The following DOCK5 variants were observed in gnomAD, a reference collection of about 807,000 sequenced individuals.
DOCK5 encodes dedicator of cytokinesis protein 5.
A neutral mutation model predicts 251.8 loss-of-function variants in DOCK5; 142 were observed. The ratio of observed to expected loss-of-function variants is 0.56; its 90% CI spans 0.49 to 0.65. The LOEUF (loss-of-function observed/expected upper bound fraction) is 0.65. DOCK5 is among the 30% of genes least tolerant of loss of function. The probability of loss-of-function intolerance (pLI) is 0.00; values close to 1 mark genes in which losing one functional copy is unlikely to be tolerated. For synonymous variants in DOCK5, 842 were observed against 835.5 expected (o/e 1.01, Z -0.13); for missense variants, 2,111 against 2,312.3 (o/e 0.91, Z 1.79).
chr8:25,388,663 G>T (rs2248997), intron 40 of DOCK5: 15 of 165,584 alleles, frequency 9.1e-5, no homozygotes, highest in Admixed American at 2.8e-4. Flanking sequence ...GTTGCTGGAT[G>T]GTGATGAGAT....
intron 1 of DOCK5, among the ~76,000 whole-genome samples, chr8:25,188,212 C>T (rs973047931): frequency 6.6e-6 from 1 of 152,174 alleles, no homozygotes; most frequent in Admixed American, 6.6e-5. Context: ...GAAGGGAGAG[C>T]CTCCACTCTG....
chr8:25,337,041 A>G (rs568607663), intron 22 of DOCK5, among the ~76,000 whole-genome samples: 1 of 152,332 alleles, frequency 6.6e-6, no homozygotes, highest in Non-Finnish European at 1.5e-5. Context: ...AAGGCAAACA[A>G]CCTGCAAAAA....
At chr8:25,201,688 A>T (rs888898314) in intron 1 of DOCK5, among the ~76,000 whole-genome samples, 2 of 152,148 alleles carry the variant, frequency 1.3e-5, no homozygotes, top group African/African-American at 4.8e-5. Context: ...CCTAACTTTT[A>T]TTACTCTTTA....
intron 2 of DOCK5, among the ~76,000 whole-genome samples, chr8:25,254,799 A>AAAAAAAAAAC (rs1563326284): frequency 6.8e-6 from 1 of 147,820 alleles, no homozygotes; most frequent in African/African-American, 2.5e-5. Flanking sequence ...AAAACAAAAA[A>AAAAAAAAAAC]AAAAAACATT....
At chr8:25,300,937 C>A (rs921072418) in intron 9 of DOCK5, among the ~76,000 whole-genome samples, 1 of 152,152 alleles carries the variant, frequency 6.6e-6, no homozygotes, top group Non-Finnish European at 1.5e-5. Flanking sequence ...CAGGGGCTCA[C>A]GCCTGTAATC....
At chr8:25,349,181 C>T (rs983921744) in intron 26 of DOCK5, among the ~76,000 whole-genome samples, 41 of 152,076 alleles carry the variant, frequency 2.7e-4, no homozygotes, top group Non-Finnish European at 3.1e-4. Context: ...ATAGCCATAC[C>T]ATAATTGAGA....
intron 3 of DOCK5, among the ~76,000 whole-genome samples, chr8:25,272,098 A>T (rs986310266): frequency 6.6e-6 from 1 of 152,216 alleles, no homozygotes; most frequent in Non-Finnish European, 1.5e-5. Flanking sequence ...GCGTGATCAC[A>T]GTTCACTGCA....
chr8:25,380,450 C>A (rs997484131), intron 39 of DOCK5, 56 bp downstream of exon 39: 3 of 1,401,812 alleles, frequency 2.1e-6, no homozygotes, highest in African/African-American at 2.9e-5. Flanking sequence ...AATTAGCACT[C>A]ATGAAAATGT....
chr8:25,409,266 C>T (rs1055773988), intron 50 of DOCK5, among the ~76,000 whole-genome samples: 3 of 152,148 alleles, frequency 2.0e-5, no homozygotes, highest in East Asian at 3.9e-4. Flanking sequence ...TGAACAGGGA[C>T]AAGAAATAGA....
intron 2 of DOCK5, 29 bp from the exon 3 acceptor site, chr8:25,268,816 A>G: frequency 6.4e-7 from 1 of 1,555,226 alleles, no homozygotes; most frequent in Non-Finnish European, 8.7e-7. Flanking sequence ...AAAACATAAA[A>G]TATTTTGTGT....
chr8:25,264,160 C>T (rs887964188), intron 2 of DOCK5, among the ~76,000 whole-genome samples: 2 of 151,414 alleles, frequency 1.3e-5, no homozygotes, highest in Admixed American at 6.6e-5. Flanking sequence ...TCCAGGAGTC[C>T]GAGACCAGCC....
chr8:25,362,462 CTTTTTT>C (rs869096662), intron 28 of DOCK5, among the ~76,000 whole-genome samples: 6 of 54,644 alleles, frequency 1.1e-4, no homozygotes, highest in Middle Eastern at 0.015. Context: ...CTTTTCTTTT[CTTTTTT>C]TTTTTTTTTT....
At chr8:25,380,786 G>A (rs1420229425) in intron 39 of DOCK5, among the ~76,000 whole-genome samples, 1 of 152,182 alleles carries the variant, frequency 6.6e-6, no homozygotes, top group African/African-American at 2.4e-5. Context: ...ACAAAAATGA[G>A]TGCCCAGTGT....
At chr8:25,374,983 T>C in intron 37 of DOCK5, 1 of 1,179,576 alleles carries the variant, frequency 8.5e-7, no homozygotes, top group Non-Finnish European at 1.1e-6. Context: ...AAAGATGAGT[T>C]ATAAGTGAAT....
chr8:25,332,499 T>C, intron 19 of DOCK5, 104 bp from the exon 20 acceptor site: 1 of 1,219,340 alleles, frequency 8.2e-7, no homozygotes, highest in South Asian at 1.5e-5. Context: ...TTTTAAAAAA[T>C]GCTATTTTAA....
At chr8:25,350,434 C>T (rs1800446092) in intron 26 of DOCK5, among the ~76,000 whole-genome samples, 1 of 152,104 alleles carries the variant, frequency 6.6e-6, no homozygotes, top group Non-Finnish European at 1.5e-5. Context: ...TACATCAGCC[C>T]TACTAATTCC....
At chr8:25,372,750 G>T in intron 35 of DOCK5, 32 bp downstream of exon 35, 2 of 1,593,044 alleles carry the variant, frequency 1.3e-6, no homozygotes, top group Non-Finnish European at 8.5e-7. Context: ...TGATGGGAGG[G>T]TACTGTCAGG....
chr8:25,364,888 G>A, intron 30 of DOCK5, 184 bp downstream of exon 30: 5 of 461,000 alleles, frequency 1.1e-5, no homozygotes, highest in South Asian at 4.2e-5. Context: ...AAATAGGGGT[G>A]GTTTCTTCTT....
intron 43 of DOCK5, among the ~76,000 whole-genome samples, chr8:25,392,449 GAC>G (rs1388511914): frequency 7.9e-5 from 12 of 152,064 alleles, no homozygotes; most frequent in African/African-American, 2.7e-4. Flanking sequence ...TAATTACCTA[GAC>G]AGCCAGCTGT....
Sources: gnomAD v4.1 joint callset for allele counts (sites outside exome capture counted in the v4.1 genomes callset) on GRCh38, gnomAD v4.1.1 for gene constraint, MANE v1.5 for transcripts, NCBI Gene and HGNC (gene_info 2026-07-23, HGNC 2026-07-21) for gene names.